The following PEPD variants were observed in gnomAD, a reference collection of about 807,000 sequenced individuals.
The protein encoded by PEPD is xaa-Pro dipeptidase.
In PEPD, 53 loss-of-function variants were observed where a neutral mutation model predicts 60.7. The observed-to-expected ratio is 0.87, with a 90% confidence interval of 0.70 to 1.10. The LOEUF (loss-of-function observed/expected upper bound fraction) is 1.10, where lower values mean the gene tolerates loss of function less well. Ranked by LOEUF, PEPD falls within the 50% of genes least tolerant of loss-of-function variation. The pLI is 0.00. For synonymous variants in PEPD, 267 were observed against 284.1 expected, an observed-to-expected ratio of 0.94 and a Z score of 0.60; for missense variants, 711 against 711.9, an observed-to-expected ratio of 1.00 and a Z score of 0.01.
intron 1 of PEPD, among the ~76,000 whole-genome samples, chr19:33,514,843 TCCTC>T (rs920891520): frequency 6.6e-6 from 1 of 151,240 alleles, no homozygotes; most frequent in Non-Finnish European, 1.5e-5. Context: ...TCCACTGTCT[TCCTC>T]CCTCTCCTCC....
intron 11 of PEPD, among the ~76,000 whole-genome samples, chr19:33,410,991 G>A (rs925734153): frequency 1.3e-5 from 2 of 152,072 alleles, no homozygotes; most frequent in South Asian, 2.1e-4. Flanking sequence ...CCGGGGCAGC[G>A]GCCCAGCTGC....
intron 10 of PEPD, among the ~76,000 whole-genome samples, chr19:33,412,400 G>T (rs1257636432): frequency 1.3e-5 from 2 of 152,088 alleles, no homozygotes; most frequent in Non-Finnish European, 2.9e-5. Flanking sequence ...CCTGGAGAAG[G>T]GCCCTACGGA....
intron 9 of PEPD, among the ~76,000 whole-genome samples, chr19:33,418,500 T>C (rs1006029093): frequency 2.0e-5 from 3 of 152,216 alleles, no homozygotes; most frequent in Admixed American, 2.0e-4. Flanking sequence ...TACATTCTTC[T>C]TGAATTCCCA....
chr19:33,479,531 T>C (rs2145300059), intron 6 of PEPD, among the ~76,000 whole-genome samples: 1 of 152,214 alleles, frequency 6.6e-6, no homozygotes. Flanking sequence ...CTAGTGCCCA[T>C]TAGTTATTTT....
intron 7 of PEPD, 146 bp downstream of exon 7, chr19:33,477,900 G>A (rs1187733347): frequency 5.7e-6 from 4 of 700,162 alleles, no homozygotes; most frequent in Non-Finnish European, 1.1e-5. Context: ...CAAAGAACAA[G>A]CAAAACAGAA....
intron 3 of PEPD, among the ~76,000 whole-genome samples, chr19:33,507,348 A>G (rs969317060): frequency 1.3e-5 from 2 of 152,008 alleles, no homozygotes; most frequent in Middle Eastern, 3.4e-3. Flanking sequence ...CTCACATCAA[A>G]AAGACACCAC....
intron 12 of PEPD, among the ~76,000 whole-genome samples, chr19:33,395,848 C>T (rs79112193): frequency 0.023 from 3,565 of 152,338 alleles, 66 homozygotes; most frequent in South Asian, 0.057. Context: ...AGGCTCCGGC[C>T]GGGGTCCCAG....
chr19:33,464,874 C>T (rs1363272086), intron 7 of PEPD, among the ~76,000 whole-genome samples: 3 of 152,022 alleles, frequency 2.0e-5, no homozygotes, highest in South Asian at 4.2e-4. Flanking sequence ...AATAAGTATT[C>T]GTTTTCTACC....
chr19:33,466,797 A>T (rs1970026867), intron 7 of PEPD, among the ~76,000 whole-genome samples: 1 of 152,134 alleles, frequency 6.6e-6, no homozygotes, highest in Non-Finnish European at 1.5e-5. Flanking sequence ...CTAATAAAAA[A>T]ACCATTCTTT....
At chr19:33,445,964 G>C (rs189339879) in intron 9 of PEPD, among the ~76,000 whole-genome samples, 4 of 152,278 alleles carry the variant, frequency 2.6e-5, no homozygotes, top group Admixed American at 2.6e-4. Context: ...ACGACCTCTA[G>C]CCTGCCTGCC....
intron 11 of PEPD, among the ~76,000 whole-genome samples, chr19:33,404,983 T>C (rs947202635): frequency 1.3e-5 from 2 of 152,234 alleles, no homozygotes; most frequent in African/African-American, 4.8e-5. Flanking sequence ...AATTCGGTCA[T>C]ACGTTGGCTC....
intron 4 of PEPD, among the ~76,000 whole-genome samples, chr19:33,500,057 G>A (rs768405837): frequency 2.0e-5 from 3 of 152,244 alleles, no homozygotes; most frequent in Non-Finnish European, 2.9e-5. Context: ...TAGCATGGCC[G>A]ACACATAATC....
At position 33,511,090 on chromosome 19, in the gene PEPD, G is replaced by T; in HGVS notation, c.267C>A (p.Asp89Glu). The change falls in exon 3 of 15, where the codon GAC becomes GAA. Residue 89 changes from aspartate to glutamate, a missense_variant. Transcript: ENST00000244137. The part of the protein sequence containing the change: ...EPGCYGVIDV[D>E]TGKSTLFVPR... Reference sequence around the variant, plus strand: ...GCACAAACAGGGTCGACTTCCCAGTGTCAACATCGATGACACCATAGCAGC... The same window carrying T: ...GCACAAACAGGGTCGACTTCCCAGTTTCAACATCGATGACACCATAGCAGC... 6.2e-7 allele frequency: 1 copy of T among 1,613,986 alleles called. No individual in the cohort carries two copies. Among genetic ancestry groups the T allele is most frequent in the Non-Finnish European group, 8.5e-7 (1 of 1,179,884 alleles).
At chr19:33,499,838 G>A (rs997472664) in intron 4 of PEPD, among the ~76,000 whole-genome samples, 4 of 152,192 alleles carry the variant, frequency 2.6e-5, no homozygotes, top group Non-Finnish European at 4.4e-5. Context: ...GGCCACCCCC[G>A]AGCTGGATGG....
At chr19:33,404,449 C>T (rs955696222) in intron 11 of PEPD, among the ~76,000 whole-genome samples, 4 of 121,676 alleles carry the variant, frequency 3.3e-5, no homozygotes, top group African/African-American at 8.7e-5. Context: ...ACTGAACTAT[C>T]GTTTAAAAAA....
intron 12 of PEPD, among the ~76,000 whole-genome samples, chr19:33,396,544 G>A (rs1968368441): frequency 6.6e-6 from 1 of 152,246 alleles, no homozygotes; most frequent in Non-Finnish European, 1.5e-5. Context: ...CCTGAGGGCA[G>A]GGACAGAGCC....
chr19:33,485,491 TAAA>T (rs908651690), intron 6 of PEPD, among the ~76,000 whole-genome samples: 5 of 110,948 alleles, frequency 4.5e-5, no homozygotes, highest in Non-Finnish European at 5.4e-5. Flanking sequence ...AGACTCTGTC[TAAA>T]AAAAAAAAAA....
chr19:33,480,255 T>C (rs1211447066), intron 6 of PEPD, among the ~76,000 whole-genome samples: 1 of 152,170 alleles, frequency 6.6e-6, no homozygotes, highest in African/African-American at 2.4e-5. Flanking sequence ...ATGGCTATAC[T>C]AACATCAGAC....
intron 1 of PEPD, among the ~76,000 whole-genome samples, chr19:33,520,475 C>T (rs1386804001): frequency 3.9e-5 from 6 of 152,218 alleles, no homozygotes; most frequent in Admixed American, 1.3e-4. Flanking sequence ...CCATGCCCCT[C>T]CTTTGCAAAT....
Sources: allele counts gnomAD v4.1 joint callset (sites outside exome capture counted in the v4.1 genomes callset), GRCh38; gene constraint gnomAD v4.1.1; transcripts MANE v1.5; gene names NCBI Gene and HGNC (gene_info 2026-07-23, HGNC 2026-07-21).